Variants in LRRC14B observed in about 807,000 individuals in gnomAD.
LRRC14B encodes leucine rich repeat containing 14B, also known as leucine-rich repeat-containing protein 14B.
LRRC14B carries 23 observed loss-of-function variants against 16.9 expected under a neutral mutation model. The observed-to-expected ratio is 1.36, with a 90% confidence interval of 0.98 to 1.92. The LOEUF (loss-of-function observed/expected upper bound fraction) is 1.92. LRRC14B is among the 30% of genes most tolerant of loss of function. The pLI is 0.00. For missense variants in LRRC14B, 766 were observed against 705.7 expected (o/e 1.09, Z -0.97); for synonymous variants, 358 against 332.5 (o/e 1.08, Z -0.83).
rs751665643 is a variant in LRRC14B at position 192,406 on chromosome 5, A to G, written c.868A>G (p.Thr290Ala). Residue 290 changes from threonine to alanine, a missense_variant, in exon 1 of 2, where the codon ACG (threonine) becomes GCG (alanine). Physicochemically the swap from Thr to Ala is moderately conservative, Grantham distance 58. Coordinates refer to ENST00000328278, the MANE Select transcript of LRRC14B (RefSeq NM_001080478.3). ...CACTGAGCTCAGTGTGGCCTTCTCC[A>G]CGCTGACCGGGAAGATCCCGACGCT... Reference protein sequence around the residue: ...QLTELSVAFSTLTGKIPTLLG... With the variant: ...QLTELSVAFSALTGKIPTLLG... The G allele has an allele frequency of 3.9e-6, 6 of 1,556,798 alleles. No individual in the cohort carries two copies. The highest frequency in any genetic ancestry group is 3.7e-5 in the Admixed American group (2 of 53,788).
intron 1 of LRRC14B, 54 bp downstream of exon 1, chr5:192,491 A>C: frequency 7.0e-7 from 1 of 1,432,370 alleles, no homozygotes; most frequent in South Asian, 1.5e-5. Flanking sequence ...AGGCAAGGAG[A>C]GATCGTCCAG....
chr5:195,002 C>G lies in LRRC14B; in HGVS notation c.1194C>G (p.Asn398Lys). 6.2e-7 allele frequency: 1 copy of G among 1,613,386 alleles called. No individual in the cohort carries two copies. Among genetic ancestry groups the G allele is most frequent in the Non-Finnish European group, 8.5e-7 (1 of 1,179,850 alleles). ...TGCGCCAGCTCAAGTTCCTCGGGAA[C>G]CCGCTGTCGGCCCGCGCCCTCCGGC... is the stretch of plus-strand genomic sequence containing the variant. ...HRLRQLKFLG[N>K]PLSARALRRL... The change falls in exon 2 of 2, where the codon AAC becomes AAG. Residue 398 changes from asparagine (N) to lysine (K), a missense_variant. Asn to Lys is a moderately conservative substitution (Grantham distance 94). Transcript: ENST00000328278.
rs1733896490 is a variant in LRRC14B at position 195,309 on chromosome 5, A to G, written c.1501A>G (p.Thr501Ala). 1 of 1,607,752 alleles carries G rather than the reference A, an allele frequency of 6.2e-7. No individual in the cohort carries two copies. The highest frequency in any genetic ancestry group is 8.5e-7 in the Non-Finnish European group (1 of 1,179,852). The part of the protein sequence containing the change: ...LGAFLLQAFK[T>A]ALENFSRALK... ...TGCTTTCTTGCTGCAAGCTTTCAAA[A>G]CTGCTCTAGAAAACTTCTCCAGAGC... The change falls in exon 2 of 2, where the codon ACT (threonine) becomes GCT (alanine). Residue 501 changes from threonine to alanine, a missense_variant. Physicochemically the swap from Thr to Ala is moderately conservative, Grantham distance 58. Transcript: ENST00000328278.
intron 1 of LRRC14B, among the ~76,000 whole-genome samples, chr5:192,860 G>A (rs928482914): frequency 6.6e-6 from 1 of 152,152 alleles, no homozygotes; most frequent in Admixed American, 6.5e-5. Context: ...TTGGCCAAGG[G>A]TGCCATCTCA....
rs901034408 is a variant in LRRC14B, at chr5:192,216, G to A, written c.678G>A (p.Ala226=). The stretch of plus-strand genomic sequence containing the variant: ...TGGTGCACAACGTGCGGCTGCATGC[G>A]GGCCACGTGCAGCAGCTTCTGGCCC... The part of the protein sequence containing the change: ...LEVVHNVRLH[A]GHVQQLLAQV... Residue 226 remains alanine (A), a synonymous_variant, in exon 1 of 2, where the codon GCG becomes GCA. Coordinates refer to ENST00000328278, the MANE Select transcript of LRRC14B (RefSeq NM_001080478.3). 2.5e-6 allele frequency: 4 copies of A among 1,597,938 alleles called. No individual in the cohort carries two copies. Among genetic ancestry groups the A allele is most frequent in the Non-Finnish European group, 2.6e-6 (3 of 1,173,284 alleles).
chr5:194,676 C>A, intron 1 of LRRC14B, 32 bp from the exon 2 acceptor site: 2 of 1,559,962 alleles, frequency 1.3e-6, no homozygotes, highest in Non-Finnish European at 8.7e-7. Context: ...GGACCCTCCT[C>A]TCACCTGTGC....
In LRRC14B at chr5:191,938, C is replaced by G; in HGVS notation, c.400C>G (p.Arg134Gly). The G allele has an allele frequency of 6.6e-7, 1 of 1,514,816 alleles. No individual in the cohort carries two copies. Among genetic ancestry groups the G allele is most frequent in the Non-Finnish European group, 8.8e-7 (1 of 1,134,292 alleles). The allele number at this position is 1,514,816 out of a possible 1,614,324, so 93.8% of individuals were successfully genotyped here. ...CGGGAGGGCGCTGGGCAGGTGGGGC[C>G]GCACCCAGCTGCTGGCCAGGACCTG... ...PCGRALGRWG[R>G]TQLLARTCCE... is the part of the protein sequence containing the mutation. The change falls in exon 1 of 2, where the codon CGC (arginine) becomes GGC (glycine). Residue 134 changes from arginine to glycine, a missense_variant. Physicochemically the swap from Arg to Gly is moderately radical, Grantham distance 125. Transcript: ENST00000328278.
chr5:192,871 T>A (rs186649009), intron 1 of LRRC14B, among the ~76,000 whole-genome samples: 3 of 152,224 alleles, frequency 2.0e-5, no homozygotes, highest in African/African-American at 7.2e-5. Flanking sequence ...TGCCATCTCA[T>A]CCGAAGGCCT....
chr5:191,804 CG>C lies in LRRC14B; in HGVS notation c.267del (p.Leu90TrpfsTer87), dbSNP rs1733798320. On this transcript the variant is annotated frameshift_variant, in exon 1 of 2. Transcript: ENST00000328278. LOFTEE classifies it high-confidence loss of function. ...RDRTCRACLEALVRGLADHVL... is the reference protein window; with the variant it reads ...RDRTCRACLEXLVRGLADHVL... ...AGAACCTGCAGGGCCTGCCTGGAGG[CG>C]CTGGTGCGCGGCCTCGCGGACCACG... 4 of 1,532,650 alleles carry C rather than the reference CG, an allele frequency of 2.6e-6. No individual in the cohort carries two copies. The highest frequency in any genetic ancestry group is 3.5e-6 in the Non-Finnish European group (4 of 1,143,358). The allele number at this position is 1,532,650 out of a possible 1,614,324, so 94.9% of individuals were successfully genotyped here. A position where few individuals can be genotyped will look rare whatever the true frequency, so the allele number is the denominator to read the frequency against.
At position 192,060 on chromosome 5, in the gene LRRC14B, G is replaced by A. The variant is rs1733810597; in HGVS notation, c.522G>A (p.Gln174=). Residue 174 remains glutamine, a synonymous_variant, in exon 1 of 2, where the codon CAG becomes CAA. Coordinates refer to ENST00000328278, the MANE Select transcript of LRRC14B (RefSeq NM_001080478.3). ...VTEGNFEAVV[Q]ALRPAGPAPL... ...AGGGCAACTTCGAGGCGGTGGTGCA[G>A]GCTCTGAGGCCAGCGGGCCCGGCCC... is the stretch of plus-strand genomic sequence containing the variant. 6.5e-7 allele frequency: 1 copy of A among 1,545,146 alleles called. No individual in the cohort carries two copies. Among genetic ancestry groups the A allele is most frequent in the Non-Finnish European group, 8.7e-7 (1 of 1,150,562 alleles).
chr5:195,180 C>T lies in LRRC14B; in HGVS notation c.1372C>T (p.Leu458=), dbSNP rs1560969575. The T allele has an allele frequency of 1.2e-6, 2 of 1,613,918 alleles. No individual in the cohort carries two copies. Among genetic ancestry groups the T allele is most frequent in the Non-Finnish European group, 1.7e-6 (2 of 1,179,908 alleles). ...QQKYDEIAEE[L]RAVLLRADRE... is the part of the protein sequence containing the mutation. ...GAAATACGACGAGATCGCCGAGGAG[C>T]TGCGTGCCGTGCTGCTGCGGGCTGA... is the stretch of plus-strand genomic sequence containing the variant. Residue 458 remains leucine (L), a synonymous_variant, in exon 2 of 2, where the codon CTG becomes TTG. Coordinates refer to ENST00000328278, the MANE Select transcript of LRRC14B (RefSeq NM_001080478.3).
chr5:192,414 C>A lies in LRRC14B; in HGVS notation c.876C>A (p.Thr292=). The stretch of plus-strand genomic sequence containing the variant: ...TCAGTGTGGCCTTCTCCACGCTGAC[C>A]GGGAAGATCCCGACGCTGCTTGGGT... ...TELSVAFSTL[T]GKIPTLLGPL... is the part of the protein sequence containing the mutation. Residue 292 remains threonine (T), a synonymous_variant, in exon 1 of 2, where the codon ACC becomes ACA. Transcript: ENST00000328278. 1 of 1,546,998 alleles carries A rather than the reference C, an allele frequency of 6.5e-7. No homozygotes were observed. Among genetic ancestry groups the A allele is most frequent in the Non-Finnish European group, 8.7e-7 (1 of 1,143,892 alleles).
At chr5:192,519 A>G in intron 1 of LRRC14B, 82 bp downstream of exon 1, 1 of 1,332,780 alleles carries the variant, frequency 7.5e-7, no homozygotes, top group East Asian at 2.8e-5. Flanking sequence ...CTCATGTCCA[A>G]GGCCATGAGG....
rs756747225 is a variant in LRRC14B, at chr5:191,614, C to T, written c.76C>T (p.Leu26=). 6.2e-7 allele frequency: 1 copy of T among 1,611,746 alleles called. No homozygotes were observed. The highest frequency in any genetic ancestry group is 1.1e-5 in the South Asian group (1 of 90,682). Residue 26 remains leucine (L), a synonymous_variant, in exon 1 of 2, where the codon CTG becomes TTG. Transcript: ENST00000328278. ...VSHPQVARQS[L]DSVAHNLYPL... Reference sequence around the variant, plus strand: ...CCACCCCCAGGTGGCCCGGCAGAGCCTGGACAGCGTGGCCCACAACCTCTA... The same window carrying T: ...CCACCCCCAGGTGGCCCGGCAGAGCTTGGACAGCGTGGCCCACAACCTCTA...
chr5:194,591 G>T, intron 1 of LRRC14B, 117 bp from the exon 2 acceptor site: 1 of 912,786 alleles, frequency 1.1e-6, no homozygotes, highest in Non-Finnish European at 1.6e-6. Flanking sequence ...GGCGGTGGTT[G>T]GACGTGACTG....
rs183865427 is a variant in LRRC14B, at chr5:191,682, G to C, written c.144G>C (p.Glu48Asp). Reference sequence around the variant, plus strand: ...CCAGCTACCTGCTGGAGCAGGCGGAGGTGACGCGCGCGGTGCTGGGGCGCT... The same window carrying C: ...CCAGCTACCTGCTGGAGCAGGCGGACGTGACGCGCGCGGTGCTGGGGCGCT... ...FKASYLLEQA[E>D]VTRAVLGRWP... Residue 48 changes from glutamate (E) to aspartate (D), a missense_variant, in exon 1 of 2, where the codon GAG becomes GAC. By Grantham distance (45) the Glu-to-Asp change is conservative. Coordinates refer to ENST00000328278, the MANE Select transcript of LRRC14B (RefSeq NM_001080478.3). The C allele has an allele frequency of 8.9e-4, 1,433 of 1,601,944 alleles. 11 individuals carry two copies. In the African/African-American group the frequency reaches 0.017, roughly 19 times the overall value.
At position 191,975 on chromosome 5, in the gene LRRC14B, A is replaced by C. The variant is rs1733808058; in HGVS notation, c.437A>C (p.Gln146Pro). The stretch of plus-strand genomic sequence containing the variant: ...CTGGCCAGGACCTGCTGTGAGCTGC[A>C]GGCAGAGCCCCTCGCAGCCGGGCGC... Reference protein sequence around the residue: ...QLLARTCCELQAEPLAAGRPV... With the variant: ...QLLARTCCELPAEPLAAGRPV... The change falls in exon 1 of 2, where the codon CAG becomes CCG. Residue 146 changes from glutamine to proline, a missense_variant. By Grantham distance (76) the Gln-to-Pro change is moderately conservative. Coordinates refer to ENST00000328278, the MANE Select transcript of LRRC14B (RefSeq NM_001080478.3). 4 of 1,530,780 alleles carry C rather than the reference A, an allele frequency of 2.6e-6. No individual in the cohort carries two copies. In the South Asian group the frequency reaches 3.6e-5, roughly 14 times the overall value. The allele number at this position is 1,530,780 out of a possible 1,614,324, so 94.8% of individuals were successfully genotyped here.
At position 191,560 on chromosome 5, in the gene LRRC14B, C is replaced by A. The variant is rs201353126; in HGVS notation, c.22C>A (p.Arg8Ser). 1.2e-6 allele frequency: 2 copies of A among 1,612,022 alleles called. No homozygotes were observed. The highest frequency in any genetic ancestry group is 1.7e-6 in the Non-Finnish European group (2 of 1,179,186). Reference protein sequence around the residue: MDTMRSLRFISAEALVSH... With the variant: MDTMRSLSFISAEALVSH... Reference sequence around the variant, plus strand: ...GGCCATGGACACAATGAGGTCACTCCGCTTCATTTCTGCAGAAGCTCTGGT... The same window carrying A: ...GGCCATGGACACAATGAGGTCACTCAGCTTCATTTCTGCAGAAGCTCTGGT... The change falls in exon 1 of 2, where the codon CGC becomes AGC. Residue 8 changes from arginine to serine, a missense_variant. By Grantham distance (110) the Arg-to-Ser change is moderately radical. Transcript: ENST00000328278.
At chr5:192,569 G>C in intron 1 of LRRC14B, 132 bp downstream of exon 1, 1 of 992,476 alleles carries the variant, frequency 1.0e-6, no homozygotes, top group Non-Finnish European at 1.3e-6. Flanking sequence ...TGTGGCCACA[G>C]CCACAGGACA....
Sources: gnomAD v4.1 joint callset for allele counts (sites outside exome capture counted in the v4.1 genomes callset) on GRCh38, gnomAD v4.1.1 for gene constraint, MANE v1.5 for transcripts, NCBI Gene and HGNC (gene_info 2026-07-23, HGNC 2026-07-21) for gene names.